Variants in FARP2 observed in about 807,000 individuals in gnomAD.
FARP2 encodes FERM, ARH/RhoGEF and pleckstrin domain protein 2, also known as FERM, ARHGEF and pleckstrin domain-containing protein 2.
In FARP2, 111 loss-of-function variants were observed where a neutral mutation model predicts 130.5. The observed-to-expected ratio is 0.85, with a 90% CI of 0.73 to 1.00. The LOEUF (loss-of-function observed/expected upper bound fraction) is 1.00, where lower values mean the gene tolerates loss of function less well. FARP2 is among the 50% of genes least tolerant of loss of function. FARP2 has a pLI of 0.00. For synonymous variants in FARP2, 504 were observed against 516.9 expected, an observed-to-expected ratio of 0.98 and a Z score of 0.34; for missense variants, 1,385 against 1,346.3, an observed-to-expected ratio of 1.03 and a Z score of -0.45.
At chr2:241,394,359 A>T (rs1287188818) in intron 2 of FARP2, among the ~76,000 whole-genome samples, 1 of 152,008 alleles carries the variant, frequency 6.6e-6, no homozygotes, top group Non-Finnish European at 1.5e-5. Context: ...TCTACTAAAA[A>T]TACAAAAAAA....
intron 17 of FARP2, chr2:241,466,078 G>T: frequency 5.3e-6 from 6 of 1,138,556 alleles, no homozygotes; most frequent in Non-Finnish European, 6.5e-6. Context: ...AAAGGGATTT[G>T]ATATTAAAAC....
Position 241,437,670 on chromosome 2 carries a change from A to AT in FARP2, c.1158+1144dup, listed in dbSNP as rs763025047. On this transcript the variant is annotated intron_variant, in intron 12 of 26. Transcript: ENST00000264042. ...TATATATTTATTTATTTATTTATTT[A>AT]TTTTTTTTTTTTGAGACGGAGTCTT... is the stretch of plus-strand genomic sequence containing the variant. Among the ~76,000 whole-genome samples, 856 of 133,104 alleles carry AT rather than the reference A, an allele frequency of 6.4e-3. 39 individuals carry two copies. Among genetic ancestry groups the AT allele is most frequent in the East Asian group, 0.06 (270 of 4,494 alleles). 87.3% of individuals were successfully genotyped at this position (133,104 alleles called of 152,430 possible).
intron 2 of FARP2, among the ~76,000 whole-genome samples, chr2:241,386,063 C>A (rs1011912761): frequency 2.0e-5 from 3 of 152,144 alleles, no homozygotes; most frequent in African/African-American, 7.2e-5. Flanking sequence ...AAGGGGCTGG[C>A]TGCCTGATGT....
At chr2:241,430,765 G>A (rs946726339) in intron 8 of FARP2, among the ~76,000 whole-genome samples, 1 of 152,156 alleles carries the variant, frequency 6.6e-6, no homozygotes, top group Non-Finnish European at 1.5e-5. Flanking sequence ...AGCACTTTGG[G>A]AGGCAAGGTG....
intron 13 of FARP2, among the ~76,000 whole-genome samples, chr2:241,456,237 A>G (rs2063833013): frequency 6.6e-6 from 1 of 152,214 alleles, no homozygotes; most frequent in African/African-American, 2.4e-5. Flanking sequence ...AGTATCATGA[A>G]TTGAGCAGTT....
intron 4 of FARP2, among the ~76,000 whole-genome samples, chr2:241,406,673 A>C (rs945490535): frequency 6.6e-6 from 1 of 152,118 alleles, no homozygotes; most frequent in African/African-American, 2.4e-5. Flanking sequence ...CATGTTGCGC[A>C]GGCTGGTCTG....
rs368983652 is a variant in FARP2, at chr2:241,431,671, C to G, written c.772-8C>G. 36 of 1,470,024 alleles carry G rather than the reference C, an allele frequency of 2.4e-5. No homozygotes were observed. The African/African-American group carries it at 4.8e-4, about 19-fold the overall frequency. 91.1% of individuals were successfully genotyped at this position (1,470,024 alleles called of 1,614,324 possible). ...ACAAATGTAATCTGTCTGTCTCTTG[C>G]ATTTCAGGGCACCACCAAAATCAAC... On this transcript the variant is annotated splice_polypyrimidine_tract_variant and splice_region_variant and intron_variant, in intron 8 of 26. Transcript: ENST00000264042.
chr2:241,382,425 A>G (rs1221330873), intron 2 of FARP2, among the ~76,000 whole-genome samples: 1 of 151,826 alleles, frequency 6.6e-6, no homozygotes, highest in Non-Finnish European at 1.5e-5. Flanking sequence ...CTGGGACTAC[A>G]GATGTGTGCC....
intron 8 of FARP2, among the ~76,000 whole-genome samples, chr2:241,426,202 C>A (rs1416559003): frequency 6.6e-6 from 1 of 152,048 alleles, no homozygotes; most frequent in African/African-American, 2.4e-5. Flanking sequence ...GGGCAGGGCC[C>A]CGGGAGAGAG....
intron 8 of FARP2, among the ~76,000 whole-genome samples, chr2:241,422,953 T>C (rs2062848430): frequency 6.6e-6 from 1 of 152,014 alleles, no homozygotes; most frequent in South Asian, 2.1e-4. Flanking sequence ...CCAAGAAATA[T>C]GGGATTATGT....
At chr2:241,484,734 G>A (rs993747086) in intron 21 of FARP2, among the ~76,000 whole-genome samples, 2 of 152,206 alleles carry the variant, frequency 1.3e-5, no homozygotes, top group South Asian at 2.1e-4. Flanking sequence ...GCCTGGGATG[G>A]GAAGAGAAAT....
chr2:241,466,961 A>G (rs2064189213), intron 17 of FARP2, among the ~76,000 whole-genome samples: 1 of 151,880 alleles, frequency 6.6e-6, no homozygotes, highest in Admixed American at 6.6e-5. Flanking sequence ...AAAAAAAAAA[A>G]TGTAACCCTT....
chr2:241,456,672 A>C (rs2074774), intron 13 of FARP2, 75 bp from the exon 14 acceptor site: 1 of 1,454,776 alleles, frequency 6.9e-7, no homozygotes, highest in Non-Finnish European at 9.6e-7. Context: ...TGGTCAGGAG[A>C]GTAGTAGCGG....
In FARP2 at chr2:241,475,425, G is replaced by A. The variant is rs990840084; in HGVS notation, c.2132-432G>A. On this transcript the variant is annotated intron_variant, in intron 18 of 26. Coordinates refer to ENST00000264042, the MANE Select transcript of FARP2 (RefSeq NM_014808.4). This position sits in a 1 kb window ranked among gnomAD's most constrained non-coding sequence, Gnocchi z 4.4. ...CAGGCCACACGGCAGGAGGTGAGTGGCGGGCAAGTGAAGCTTCTCTGTATT... is the reference window on the plus strand; with the variant it reads ...CAGGCCACACGGCAGGAGGTGAGTGACGGGCAAGTGAAGCTTCTCTGTATT... Among the ~76,000 whole-genome samples, 2 of 152,184 alleles carry A rather than the reference G, an allele frequency of 1.3e-5. No individual in the cohort carries two copies. Among genetic ancestry groups the A allele is most frequent in the African/African-American group, 4.8e-5 (2 of 41,440 alleles).
intron 14 of FARP2, among the ~76,000 whole-genome samples, chr2:241,461,715 A>G (rs941525181): frequency 3.3e-5 from 5 of 152,110 alleles, no homozygotes; most frequent in Admixed American, 2.0e-4. Context: ...CGGCCCACCT[A>G]CCCTGAAGCT....
At chr2:241,375,805 C>T (rs1191477870) in intron 2 of FARP2, among the ~76,000 whole-genome samples, 1 of 151,850 alleles carries the variant, frequency 6.6e-6, no homozygotes, top group Non-Finnish European at 1.5e-5. Flanking sequence ...GTTCCCCAGG[C>T]CAGCCTCTAA....
chr2:241,387,950 A>C (rs955910416), intron 2 of FARP2, among the ~76,000 whole-genome samples: 4 of 152,320 alleles, frequency 2.6e-5, no homozygotes, highest in African/African-American at 9.6e-5. Context: ...GTTGAAAGAC[A>C]ATGTTCATGG....
intron 4 of FARP2, among the ~76,000 whole-genome samples, chr2:241,406,556 C>T (rs900391052): frequency 6.6e-6 from 1 of 151,734 alleles, no homozygotes; most frequent in African/African-American, 2.4e-5. Context: ...CACCAGTCCT[C>T]CCACCTTGGC....
intron 9 of FARP2, 64 bp downstream of exon 9, chr2:241,431,838 G>A (rs1440541140): frequency 1.8e-6 from 1 of 567,350 alleles, no homozygotes; most frequent in East Asian, 4.9e-5. Flanking sequence ...TTATTTTTTT[G>A]AGACGGAGTT....
Sources: gnomAD v4.1 joint callset for allele counts (sites outside exome capture counted in the v4.1 genomes callset) on GRCh38, gnomAD v4.1.1 for gene constraint, Gnocchi (gnomAD v3.1) non-coding constraint, MANE v1.5 for transcripts, NCBI Gene and HGNC (gene_info 2026-07-23, HGNC 2026-07-21) for gene names.